The following OSBP2 variants were observed in gnomAD, a reference collection of about 807,000 sequenced individuals.
OSBP2 encodes oxysterol-binding protein 2.
In OSBP2, 66 loss-of-function variants were observed where a neutral mutation model predicts 96.0. The observed-to-expected ratio is 0.69, with a 90% CI of 0.56 to 0.84. The LOEUF (loss-of-function observed/expected upper bound fraction) is 0.84. Ranked by LOEUF, OSBP2 falls within the 40% of genes least tolerant of loss-of-function variation. The pLI is 0.00. For missense variants in OSBP2, 1,038 were observed against 1,222.7 expected (o/e 0.85, Z 2.25); for synonymous variants, 525 against 520.9 (o/e 1.01, Z -0.11).
At chr22:30,783,053 GGGAACC>G (rs1438429140) in intron 2 of OSBP2, among the ~76,000 whole-genome samples, 18 of 146,702 alleles carry the variant, frequency 1.2e-4, no homozygotes, top group Middle Eastern at 7.2e-3. Context: ...TCAAAGAGTA[GGGAACC>G]TGTGGCTTTT....
chr22:30,898,235 C>T lies in OSBP2; in HGVS notation c.2375+4234C>T, dbSNP rs575753560. On this transcript the variant is annotated intron_variant, in intron 12 of 13. Coordinates refer to ENST00000332585, the MANE Select transcript of OSBP2 (RefSeq NM_030758.4). ...GGCATGATGGTACATGCCTGTAGTC[C>T]CAGATACTCAGGAGGACTGAGGTGG... Among the ~76,000 whole-genome samples, 4 of 152,032 alleles carry T rather than the reference C, an allele frequency of 2.6e-5. No individual in the cohort carries two copies. In the East Asian group the frequency reaches 7.7e-4, roughly 29 times the overall value.
At chr22:30,801,040 T>A (rs1354755420) in intron 2 of OSBP2, among the ~76,000 whole-genome samples, 1 of 152,200 alleles carries the variant, frequency 6.6e-6, no homozygotes, top group Non-Finnish European at 1.5e-5. Flanking sequence ...TTAACGGAGT[T>A]AAATTGAAGA....
At chr22:30,843,453 C>CG (rs59462860) in intron 2 of OSBP2, among the ~76,000 whole-genome samples, 5,270 of 148,402 alleles carry the variant, frequency 0.036, 299 homozygotes, top group African/African-American at 0.12. Flanking sequence ...TTCCCCCCTC[C>CG]CCCTTGAGCA....
In OSBP2 at chr22:30,871,822, G is replaced by A. The variant is rs1044174731; in HGVS notation, c.1107+1140G>A. On this transcript the variant is annotated intron_variant, in intron 3 of 13. Transcript: ENST00000332585. The surrounding 1 kb of genome is among the most constrained non-coding windows in gnomAD (Gnocchi z 4.7). ...GCTAAAACCTGGGCATCCAAGACCTGCCCCAAGCCGGCTTCACTGGCCTGT... is the reference window on the plus strand; with the variant it reads ...GCTAAAACCTGGGCATCCAAGACCTACCCCAAGCCGGCTTCACTGGCCTGT... Among the ~76,000 whole-genome samples, 9 of 152,244 alleles carry A rather than the reference G, an allele frequency of 5.9e-5. No homozygotes were observed. The highest frequency in any genetic ancestry group is 1.7e-4 in the African/African-American group (7 of 41,472).
chr22:30,853,735 T>C (rs2039021305), intron 2 of OSBP2, among the ~76,000 whole-genome samples: 2 of 152,010 alleles, frequency 1.3e-5, no homozygotes, highest in Admixed American at 1.3e-4. Flanking sequence ...TTTTTTCTTC[T>C]ACTAGCTCAT....
intron 1 of OSBP2, among the ~76,000 whole-genome samples, chr22:30,725,861 T>C (rs563709877): frequency 6.6e-6 from 1 of 151,208 alleles, no homozygotes; most frequent in East Asian, 2.0e-4. Flanking sequence ...CAATTTTAGC[T>C]CACTGCCTCC....
At chr22:30,862,265 G>A (rs1180484975) in intron 2 of OSBP2, among the ~76,000 whole-genome samples, 1 of 152,248 alleles carries the variant, frequency 6.6e-6, no homozygotes, top group African/African-American at 2.4e-5. Context: ...CAGGTTGGAG[G>A]GCAGCAGCAG....
At chr22:30,853,847 T>G (rs903834760) in intron 2 of OSBP2, among the ~76,000 whole-genome samples, 1 of 151,470 alleles carries the variant, frequency 6.6e-6, no homozygotes, top group Non-Finnish European at 1.5e-5. Context: ...CAGCTCTGCC[T>G]CCTCGGGGTT....
At chr22:30,874,813 C>T (rs1364398276) in intron 3 of OSBP2, among the ~76,000 whole-genome samples, 1 of 152,256 alleles carries the variant, frequency 6.6e-6, no homozygotes, top group African/African-American at 2.4e-5. Flanking sequence ...GCTCCCTTGT[C>T]ATCCTTCAGA....
intron 2 of OSBP2, chr22:30,844,782 G>A (rs1477187346): frequency 2.6e-5 from 4 of 152,198 alleles, no homozygotes; most frequent in Non-Finnish European, 4.4e-5. Context: ...GCTAATTAGT[G>A]CAAGAGGCCT....
chr22:30,867,902 G>T (rs1468324463), intron 2 of OSBP2, among the ~76,000 whole-genome samples: 2 of 152,158 alleles, frequency 1.3e-5, no homozygotes, highest in Non-Finnish European at 2.9e-5. Flanking sequence ...CCCGTGTTGA[G>T]CCGGGGGCCA....
intron 3 of OSBP2, among the ~76,000 whole-genome samples, chr22:30,887,119 T>C (rs117076966): frequency 0.024 from 3,644 of 152,282 alleles, 91 homozygotes; most frequent in Non-Finnish European, 0.03. Context: ...ATCTGTGAAC[T>C]GTGGCGCTGG....
At chr22:30,897,615 A>C (rs1040885272) in intron 12 of OSBP2, among the ~76,000 whole-genome samples, 14 of 152,206 alleles carry the variant, frequency 9.2e-5, no homozygotes, top group African/African-American at 3.4e-4. Flanking sequence ...TAGAATGAAA[A>C]AATGCAAAAT....
chr22:30,804,264 T>C (rs949773976), intron 2 of OSBP2, among the ~76,000 whole-genome samples: 8 of 152,110 alleles, frequency 5.3e-5, no homozygotes, highest in Non-Finnish European at 1.0e-4. Context: ...AGATGTCTAG[T>C]TGTGCTAGAT....
In OSBP2 at chr22:30,818,054, C is replaced by T. The variant is rs532449442; in HGVS notation, c.854-52375C>T. On this transcript the variant is annotated intron_variant, in intron 2 of 13. Coordinates refer to ENST00000332585, the MANE Select transcript of OSBP2 (RefSeq NM_030758.4). The stretch of plus-strand genomic sequence containing the variant: ...GGGACTACAGGCATGCACCACTATG[C>T]CCAGCTAATTTTTAAAATGTTTTTA... Among the ~76,000 whole-genome samples the T allele has an allele frequency of 2.6e-5, 4 of 152,212 alleles. No homozygotes were observed. In the South Asian group the frequency reaches 8.3e-4, roughly 32 times the overall value.
At chr22:30,893,299 G>A in intron 9 of OSBP2, 57 bp downstream of exon 9, 1 of 1,610,622 alleles carries the variant, frequency 6.2e-7, no homozygotes, top group East Asian at 2.2e-5. Context: ...TAAGAGGGAG[G>A]ATTCTGGTGA....
At chr22:30,703,459 C>T (rs2089194703) in intron 1 of OSBP2, among the ~76,000 whole-genome samples, 1 of 150,880 alleles carries the variant, frequency 6.6e-6, no homozygotes, top group Non-Finnish European at 1.5e-5. Context: ...TAGGCGTAAG[C>T]CACCATGCCC....
chr22:30,882,126 C>T (rs539469692), intron 3 of OSBP2, among the ~76,000 whole-genome samples: 16 of 152,332 alleles, frequency 1.1e-4, no homozygotes, highest in African/African-American at 3.4e-4. Flanking sequence ...GCCAGCAACC[C>T]TGGCTGTGTG....
At chr22:30,804,514 A>C (rs1473931955) in intron 2 of OSBP2, among the ~76,000 whole-genome samples, 1 of 152,204 alleles carries the variant, frequency 6.6e-6, no homozygotes, top group Non-Finnish European at 1.5e-5. Context: ...TTTTAGGGTC[A>C]GTATGAGCTG....
Sources: gnomAD v4.1 joint callset for allele counts (sites outside exome capture counted in the v4.1 genomes callset) on GRCh38, gnomAD v4.1.1 for gene constraint, Gnocchi (gnomAD v3.1) non-coding constraint, MANE v1.5 for transcripts, NCBI Gene and HGNC (gene_info 2026-07-23, HGNC 2026-07-21) for gene names.